The following LRRIQ4 variants were observed in gnomAD, a reference collection of about 807,000 sequenced individuals.
LRRIQ4 encodes leucine-rich repeat and IQ domain-containing protein 4.
Under a neutral mutation model 40.1 loss-of-function variants are expected in LRRIQ4, and 21 were observed. That is an observed-to-expected ratio of 0.52 (90% confidence interval 0.37 to 0.75). The LOEUF is 0.75. LRRIQ4 is among the 30% of genes least tolerant of loss of function. LRRIQ4 has a pLI of 0.00. For synonymous variants in LRRIQ4, 277 were observed against 277.1 expected (o/e 1.00, Z 0.00); for missense variants, 655 against 660.0 (o/e 0.99, Z 0.08).
intron 4 of LRRIQ4, among the ~76,000 whole-genome samples, chr3:169,831,193 AT>A (rs751558335): frequency 3.8e-5 from 5 of 132,918 alleles, no homozygotes; most frequent in Non-Finnish European, 8.0e-5. Flanking sequence ...CTGGGACCAG[AT>A]TTTAAATGTT....
intron 2 of LRRIQ4, among the ~76,000 whole-genome samples, chr3:169,828,405 A>G (rs879710346): frequency 6.6e-6 from 1 of 152,072 alleles, no homozygotes; most frequent in African/African-American, 2.4e-5. Flanking sequence ...GCTAATTTTT[A>G]TATTTTTTAG....
chr3:169,822,960 G>A lies in LRRIQ4; in HGVS notation c.1020+19G>A. On this transcript the variant is annotated intron_variant, in intron 2 of 5. Coordinates refer to ENST00000340806, the MANE Select transcript of LRRIQ4 (RefSeq NM_001080460.3). Reference sequence around the variant, plus strand: ...AGGACAGGTACGGATTCCTTTTCTGGCTGTCACTATGCTCTCATCCAGGGT... The same window carrying A: ...AGGACAGGTACGGATTCCTTTTCTGACTGTCACTATGCTCTCATCCAGGGT... 6.7e-7 allele frequency: 1 copy of A among 1,497,126 alleles called. No individual in the cohort carries two copies. The highest frequency in any genetic ancestry group is 8.9e-7 in the Non-Finnish European group (1 of 1,123,658). The allele number at this position is 1,497,126 out of a possible 1,614,324, so 92.7% of individuals were successfully genotyped here.
At position 169,837,699 on chromosome 3, in the gene LRRIQ4, G is replaced by T; in HGVS notation, c.*68G>T. 1 of 1,195,104 alleles carries T rather than the reference G, an allele frequency of 8.4e-7. No individual in the cohort carries two copies. Among genetic ancestry groups the T allele is most frequent in the Non-Finnish European group, 1.2e-6 (1 of 866,536 alleles). 74.0% of individuals were successfully genotyped at this position (1,195,104 alleles called of 1,614,324 possible). ...AAGAAGACAAAATATCTAGGAATTA[G>T]ATGCCTACTACATTAAAATTATTCA... On this transcript the variant is annotated 3_prime_UTR_variant, in exon 6 of 6. Transcript: ENST00000340806.
rs1309878277 is a variant in LRRIQ4, at chr3:169,822,157, A to G, written c.236A>G (p.Asp79Gly). 4.3e-6 allele frequency: 7 copies of G among 1,612,360 alleles called. No individual in the cohort carries two copies. The highest frequency in any genetic ancestry group is 1.1e-5 in the South Asian group (1 of 90,676). ...RLKNIRVLYL[D>G]KNNLRSLCPA... ...AAGAACATCAGGGTCCTCTACCTGG[A>G]TAAGAACAACCTGAGGAGCCTGTGC... Residue 79 changes from aspartate (D) to glycine (G), a missense_variant, in exon 2 of 6, where the codon GAT becomes GGT. Transcript: ENST00000340806.
At chr3:169,813,205 TA>T (rs1779671014) in intron 1 of LRRIQ4, among the ~76,000 whole-genome samples, 159 bp downstream of exon 1, 1 of 152,218 alleles carries the variant, frequency 6.6e-6, no homozygotes, top group South Asian at 2.1e-4. Context: ...AGGAAGGCTT[TA>T]ATCTGGTGCT....
At chr3:169,817,657 A>G (rs778136698) in intron 1 of LRRIQ4, among the ~76,000 whole-genome samples, 1 of 152,184 alleles carries the variant, frequency 6.6e-6, no homozygotes, top group Non-Finnish European at 1.5e-5. Flanking sequence ...CTCTTGCTGA[A>G]TGAACCCCTT....
Position 169,822,353 on chromosome 3 carries a change from C to T in LRRIQ4, c.432C>T (p.Leu144=), listed in dbSNP as rs373002856. 11 of 1,613,426 alleles carry T rather than the reference C, an allele frequency of 6.8e-6. No individual in the cohort carries two copies. Among genetic ancestry groups the T allele is most frequent in the Middle Eastern group, 1.6e-4 (1 of 6,082 alleles). ...TCATCTTTAAAAACCTCCACCATCT[C>T]GAGCTGCTCGGACTGACCGGAAACC... ...PVVIFKNLHH[L]ELLGLTGNHL... is the part of the protein sequence containing the mutation. Residue 144 remains leucine, a synonymous_variant, in exon 2 of 6, where the codon CTC becomes CTT. Coordinates refer to ENST00000340806, the MANE Select transcript of LRRIQ4 (RefSeq NM_001080460.3).
chr3:169,828,276 A>G (rs972389961), intron 2 of LRRIQ4, among the ~76,000 whole-genome samples: 16 of 151,796 alleles, frequency 1.1e-4, no homozygotes, highest in Admixed American at 3.9e-4. Flanking sequence ...TCTGTCGCCC[A>G]GGCTGGAGTG....
At chr3:169,814,095 C>T (rs1779704154) in intron 1 of LRRIQ4, among the ~76,000 whole-genome samples, 2 of 152,190 alleles carry the variant, frequency 1.3e-5, no homozygotes, top group African/African-American at 2.4e-5. Flanking sequence ...AGAGGGCTTT[C>T]TGTTTCCTGG....
Position 169,837,534 on chromosome 3 carries a change from A to C in LRRIQ4, c.1586A>C (p.Glu529Ala). ...CAGAGAGGATTTGGGAAATTCGGTG[A>C]ACTACTAAAACCACAAAAGAAAGGA... ...MVQRGFGKFG[E>A]LLKPQKKGKT... Residue 529 changes from glutamate (E) to alanine (A), a missense_variant, in exon 6 of 6, where the codon GAA becomes GCA. Physicochemically the swap from Glu to Ala is moderately radical, Grantham distance 107. Coordinates refer to ENST00000340806, the MANE Select transcript of LRRIQ4 (RefSeq NM_001080460.3). The C allele has an allele frequency of 6.8e-6, 11 of 1,608,794 alleles. No homozygotes were observed. Among genetic ancestry groups the C allele is most frequent in the Non-Finnish European group, 8.5e-6 (10 of 1,177,820 alleles).
chr3:169,827,672 A>C (rs2108271903), intron 2 of LRRIQ4, among the ~76,000 whole-genome samples: 1 of 151,952 alleles, frequency 6.6e-6, no homozygotes, highest in Middle Eastern at 3.4e-3. Flanking sequence ...CCAGAAAGAA[A>C]CCGATAGACG....
rs772778943 is a variant in LRRIQ4, at chr3:169,822,651, A to C, written c.730A>C (p.Asn244His). 1.2e-6 allele frequency: 2 copies of C among 1,613,904 alleles called. No homozygotes were observed. Among genetic ancestry groups the C allele is most frequent in the South Asian group, 2.2e-5 (2 of 91,084 alleles). ...SQLSVLDLSH[N>H]LLHSIPKSFA... ...ACTGTCGGTGCTCGATTTATCCCACAACCTCCTCCACTCCATCCCGAAGAG... is the reference window on the plus strand; with the variant it reads ...ACTGTCGGTGCTCGATTTATCCCACCACCTCCTCCACTCCATCCCGAAGAG... Residue 244 changes from asparagine (N) to histidine (H), a missense_variant, in exon 2 of 6, where the codon AAC becomes CAC. Coordinates refer to ENST00000340806, the MANE Select transcript of LRRIQ4 (RefSeq NM_001080460.3).
rs1163288080 is a variant in LRRIQ4 at position 169,837,547 on chromosome 3, A to G, written c.1599A>G (p.Pro533=). The G allele has an allele frequency of 6.2e-7, 1 of 1,607,550 alleles. No homozygotes were observed. Among genetic ancestry groups the G allele is most frequent in the Admixed American group, 1.7e-5 (1 of 58,972 alleles). Residue 533 remains proline, a synonymous_variant, in exon 6 of 6, where the codon CCA becomes CCG. Transcript: ENST00000340806. ...GFGKFGELLK[P]QKKGKTSPKD... ...GGAAATTCGGTGAACTACTAAAACCACAAAAGAAAGGAAAGACCTCTCCAA... is the reference window on the plus strand; with the variant it reads ...GGAAATTCGGTGAACTACTAAAACCGCAAAAGAAAGGAAAGACCTCTCCAA...
At chr3:169,831,984 TAAAAAAAAAAAGA>T (rs1780189678) in intron 4 of LRRIQ4, among the ~76,000 whole-genome samples, 1 of 142,206 alleles carries the variant, frequency 7.0e-6, no homozygotes, top group African/African-American at 2.6e-5. Flanking sequence ...TTAAAAAATT[TAAAAAAAAAAAGA>T]AAAAAAAAAT....
At chr3:169,821,760 A>C (rs1381095430) in intron 1 of LRRIQ4, among the ~76,000 whole-genome samples, 131 bp from the exon 2 acceptor site, 1 of 152,186 alleles carries the variant, frequency 6.6e-6, no homozygotes, top group Admixed American at 6.5e-5. Context: ...GCAAAAACCT[A>C]AATTTTATGT....
chr3:169,822,393 C>T lies in LRRIQ4; in HGVS notation c.472C>T (p.Pro158Ser). Residue 158 changes from proline (P) to serine (S), a missense_variant, in exon 2 of 6, where the codon CCC (proline) becomes TCC (serine). Coordinates refer to ENST00000340806, the MANE Select transcript of LRRIQ4 (RefSeq NM_001080460.3). The stretch of plus-strand genomic sequence containing the variant: ...GACCGGAAACCACCTGAAATGTCTG[C>T]CCAAGGAAATAGTGAACCAGACCAA... ...GLTGNHLKCL[P>S]KEIVNQTKLR... is the part of the protein sequence containing the mutation. 2.5e-6 allele frequency: 4 copies of T among 1,612,338 alleles called. No individual in the cohort carries two copies. Among genetic ancestry groups the T allele is most frequent in the Non-Finnish European group, 3.4e-6 (4 of 1,179,232 alleles).
rs1401106864 is a variant in LRRIQ4, at chr3:169,830,488, T to C, written c.1195-4T>C. 1 of 1,582,112 alleles carries C rather than the reference T, an allele frequency of 6.3e-7. No individual in the cohort carries two copies. The highest frequency in any genetic ancestry group is 8.6e-7 in the Non-Finnish European group (1 of 1,161,066). On this transcript the variant is annotated splice_polypyrimidine_tract_variant and splice_region_variant and intron_variant, in intron 3 of 5. Transcript: ENST00000340806. ...ATTATTATGGTACACTCATGTTATT[T>C]CAGAGTCTCAAAGAGCTATATATAG...
chr3:169,819,229 C>G (rs1315684312), intron 1 of LRRIQ4, among the ~76,000 whole-genome samples: 1 of 152,102 alleles, frequency 6.6e-6, no homozygotes, highest in Non-Finnish European at 1.5e-5. Context: ...AAAGCTATTG[C>G]AAATCTGGGT....
In LRRIQ4 at chr3:169,822,061, T is replaced by C; in HGVS notation, c.140T>C (p.Phe47Ser). 1 of 1,604,458 alleles carries C rather than the reference T, an allele frequency of 6.2e-7. No individual in the cohort carries two copies. Among genetic ancestry groups the C allele is most frequent in the South Asian group, 1.1e-5 (1 of 88,770 alleles). ...GCCATTCCTTTGGAGATCTTCACAT[T>C]CACAGAATTAGAAGAAGTGCATTTG... ...LTAIPLEIFT[F>S]TELEEVHLEN... The change falls in exon 2 of 6, where the codon TTC (phenylalanine) becomes TCC (serine). Residue 47 changes from phenylalanine to serine, a missense_variant. Phe to Ser is a radical substitution (Grantham distance 155). Transcript: ENST00000340806.
Sources: allele counts gnomAD v4.1 joint callset (sites outside exome capture counted in the v4.1 genomes callset), GRCh38; gene constraint gnomAD v4.1.1; transcripts MANE v1.5; gene names NCBI Gene and HGNC (gene_info 2026-07-23, HGNC 2026-07-21).